Variants in NCAPD2 observed in about 807,000 individuals in gnomAD.
The protein encoded by NCAPD2 is non-SMC condensin I complex subunit D2, also known as condensin complex subunit 1.
NCAPD2 carries 100 observed loss-of-function variants against 164.5 expected under a neutral mutation model. That is an observed-to-expected ratio of 0.61 (90% confidence interval 0.52 to 0.72). NCAPD2 has a LOEUF of 0.72. Among genes scored for constraint, NCAPD2 ranks in the 30% least tolerant of loss-of-function variants. NCAPD2 has a pLI of 0.00. For missense variants in NCAPD2, 1,560 were observed against 1,749.2 expected, an observed-to-expected ratio of 0.89 and a Z score of 1.93; for synonymous variants, 585 against 642.6, an observed-to-expected ratio of 0.91 and a Z score of 1.36.
At chr12:6,520,787 G>T (rs1451572382) in intron 13 of NCAPD2, among the ~76,000 whole-genome samples, 199 bp from the exon 14 acceptor site, 2 of 152,192 alleles carry the variant, frequency 1.3e-5, no homozygotes, top group Non-Finnish European at 2.9e-5. Context: ...GTTTGCAGAT[G>T]AGCAGTCAGG....
At chr12:6,515,941 C>T (rs1371437568) in intron 9 of NCAPD2, among the ~76,000 whole-genome samples, 1 of 151,988 alleles carries the variant, frequency 6.6e-6, no homozygotes, top group Admixed American at 6.6e-5. Context: ...CCTGTAATCC[C>T]AGCACTTTGG....
At position 6,518,520 on chromosome 12, in the gene NCAPD2, T is replaced by G. The variant is rs1015768016; in HGVS notation, c.1589+561T>G. Among the ~76,000 whole-genome samples the G allele has an allele frequency of 1.9e-4, 22 of 114,002 alleles. 1 individual carries two copies. The highest frequency in any genetic ancestry group is 1.2e-3 in the South Asian group (4 of 3,238). 74.8% of individuals were successfully genotyped at this position (114,002 alleles called of 152,430 possible). The stretch of plus-strand genomic sequence containing the variant: ...CGTCAACAAGTTTTTTTTTTTTTTT[T>G]TTTTTTTTTTTTTTGAGATGGAGTC... On this transcript the variant is annotated intron_variant, in intron 13 of 31. Coordinates refer to ENST00000315579, the MANE Select transcript of NCAPD2 (RefSeq NM_014865.4).
In NCAPD2 at chr12:6,522,959, G is replaced by T; in HGVS notation, c.2086G>T (p.Ala696Ser). ...TGGTGTCCGGGAAGCCGTGCTTAAT[G>T]CCTACCGCCAACTCTACCTCAACCC... ...EPGVREAVLN[A>S]YRQLYLNPKG... The change falls in exon 16 of 32, where the codon GCC becomes TCC. Residue 696 changes from alanine (A) to serine (S), a missense_variant. Physicochemically the swap from Ala to Ser is moderately conservative, Grantham distance 99. Coordinates refer to ENST00000315579, the MANE Select transcript of NCAPD2 (RefSeq NM_014865.4). 6.2e-7 allele frequency: 1 copy of T among 1,614,218 alleles called. No individual in the cohort carries two copies. The highest frequency in any genetic ancestry group is 8.5e-7 in the Non-Finnish European group (1 of 1,180,048).
intron 2 of NCAPD2, among the ~76,000 whole-genome samples, chr12:6,495,939 C>A (rs7960757): frequency 0.35 from 53,746 of 151,970 alleles, 10,278 homozygotes; most frequent in African/African-American, 0.51. Context: ...TAACCAATTC[C>A]TTTGTTATCA....
chr12:6,495,630 A>G (rs139670286), intron 2 of NCAPD2, among the ~76,000 whole-genome samples: 87 of 152,206 alleles, frequency 5.7e-4, no homozygotes, highest in Admixed American at 9.8e-4. Flanking sequence ...AATTATGGGG[A>G]CAAAAACCCA....
At chr12:6,509,125 G>GT (rs962169965) in intron 2 of NCAPD2, among the ~76,000 whole-genome samples, 3 of 150,678 alleles carry the variant, frequency 2.0e-5, no homozygotes, top group Non-Finnish European at 4.4e-5. Flanking sequence ...CCTAACTACT[G>GT]TAAGTTGGAC....
rs966285425 is a variant in NCAPD2 at position 6,528,818 on chromosome 12, G to C, written c.3439G>C (p.Ala1147Pro). 8.1e-6 allele frequency: 13 copies of C among 1,614,034 alleles called. No individual in the cohort carries two copies. Among genetic ancestry groups the C allele is most frequent in the Non-Finnish European group, 1.1e-5 (13 of 1,179,930 alleles). ...CATCGACCCCGAGCCTCAGATTGCT[G>C]CCCTGGCCAAGAACTTCTTCAATGA... Reference protein sequence around the residue: ...LLIDPEPQIAALAKNFFNELS... With the variant: ...LLIDPEPQIAPLAKNFFNELS... Residue 1147 changes from alanine (A) to proline (P), a missense_variant, in exon 26 of 32, where the codon GCC (alanine) becomes CCC (proline). By Grantham distance (27) the Ala-to-Pro change is conservative. Transcript: ENST00000315579. This position sits in a 1 kb window ranked among gnomAD's most constrained non-coding sequence, Gnocchi z 5.1.
chr12:6,521,025 C>A lies in NCAPD2; in HGVS notation c.1629C>A (p.Phe543Leu), dbSNP rs146888515. 6.2e-7 allele frequency: 1 copy of A among 1,614,138 alleles called. No homozygotes were observed. Among genetic ancestry groups the A allele is most frequent in the African/African-American group, 1.3e-5 (1 of 75,062 alleles). ...TCACTCGAGAAGCCACAGGCCACTTCCAGGAGTCCGAACCCTTCAGTCATA... is the reference window on the plus strand; with the variant it reads ...TCACTCGAGAAGCCACAGGCCACTTACAGGAGTCCGAACCCTTCAGTCATA... ...IILTREATGH[F>L]QESEPFSHID... Residue 543 changes from phenylalanine to leucine, a missense_variant, in exon 14 of 32, where the codon TTC (phenylalanine) becomes TTA (leucine). By Grantham distance (22) the Phe-to-Leu change is conservative. Transcript: ENST00000315579.
chr12:6,525,323 C>G (rs16932751), intron 17 of NCAPD2, among the ~76,000 whole-genome samples: 3,643 of 152,190 alleles, frequency 0.024, 152 homozygotes, highest in African/African-American at 0.082. Flanking sequence ...AGACTTAGAA[C>G]TATGGACCCA....
At chr12:6,495,270 C>T (rs772277055) in intron 2 of NCAPD2, 45 bp downstream of exon 2, 234 of 1,604,380 alleles carry the variant, frequency 1.5e-4, no homozygotes, top group Non-Finnish European at 2.0e-4. Flanking sequence ...TTCAAAGGAC[C>T]ATCTCACATG....
Position 6,516,245 on chromosome 12 carries a change from T to C in NCAPD2, c.988-583T>C, listed in dbSNP as rs566701736. On this transcript the variant is annotated intron_variant, in intron 9 of 31. Coordinates refer to ENST00000315579, the MANE Select transcript of NCAPD2 (RefSeq NM_014865.4). ...ACAGACGGGCGCGGTGGCTCACGCCTATAATCTCAGCACTTTGGGAGGCCG... is the reference window on the plus strand; with the variant it reads ...ACAGACGGGCGCGGTGGCTCACGCCCATAATCTCAGCACTTTGGGAGGCCG... 2.0e-5 allele frequency among the ~76,000 whole-genome samples: 3 copies of C among 149,384 alleles called. No individual in the cohort carries two copies. The East Asian group carries it at 6.0e-4, about 30-fold the overall frequency.
chr12:6,509,689 A>T (rs555034506), intron 2 of NCAPD2, 28 bp from the exon 3 acceptor site: 16 of 1,609,278 alleles, frequency 9.9e-6, no homozygotes, highest in Non-Finnish European at 1.4e-5. Flanking sequence ...CTTCCCTCCA[A>T]ATTGATTTGT....
chr12:6,516,308 C>T (rs2137051079), intron 9 of NCAPD2, among the ~76,000 whole-genome samples: 1 of 142,540 alleles, frequency 7.0e-6, no homozygotes, highest in African/African-American at 2.6e-5. Context: ...TTGAGACCAG[C>T]CTGGCCAATA....
chr12:6,496,029 G>T (rs1299581588), intron 2 of NCAPD2, among the ~76,000 whole-genome samples: 1 of 150,850 alleles, frequency 6.6e-6, no homozygotes. Context: ...TTCTTTCATG[G>T]TTGCTAGATT....
intron 9 of NCAPD2, 75 bp from the exon 10 acceptor site, chr12:6,516,753 G>A (rs1946204861): frequency 2.0e-6 from 3 of 1,473,890 alleles, no homozygotes; most frequent in East Asian, 4.6e-5. Flanking sequence ...GCAGTTAATG[G>A]AAAAAGTTAT....
intron 17 of NCAPD2, among the ~76,000 whole-genome samples, chr12:6,524,840 G>A (rs946961371): frequency 6.6e-6 from 1 of 152,106 alleles, no homozygotes; most frequent in African/African-American, 2.4e-5. Flanking sequence ...TGGAGGTGGC[G>A]CTGGGAAGCG....
intron 2 of NCAPD2, among the ~76,000 whole-genome samples, chr12:6,503,008 C>CTTTT (rs58563520): frequency 2.0e-4 from 17 of 86,288 alleles, no homozygotes; most frequent in Admixed American, 2.9e-4. Context: ...CCACACCTGG[C>CTTTT]TTTTTTTTTT....
intron 2 of NCAPD2, among the ~76,000 whole-genome samples, chr12:6,504,216 T>TATATATATATATAC (rs1406807438): frequency 8.6e-4 from 20 of 23,186 alleles, no homozygotes; most frequent in Admixed American, 2.3e-3. Flanking sequence ...TATATATATA[T>TATATATATATATAC]AGATATAGAT....
chr12:6,518,518 T>TTTTTTTTG (rs1565544186), intron 13 of NCAPD2, among the ~76,000 whole-genome samples: 4 of 112,972 alleles, frequency 3.5e-5, no homozygotes, highest in East Asian at 4.8e-4. Context: ...TTTTTTTTTT[T>TTTTTTTTG]TTTTTTTTTT....
Sources: allele counts gnomAD v4.1 joint callset (sites outside exome capture counted in the v4.1 genomes callset), GRCh38; gene constraint gnomAD v4.1.1; non-coding constraint Gnocchi (gnomAD v3.1); transcripts MANE v1.5; gene names NCBI Gene and HGNC (gene_info 2026-07-23, HGNC 2026-07-21).